The following NUB1 variants were observed in gnomAD, a reference collection of about 807,000 sequenced individuals.
The protein encoded by NUB1 is negative regulator of ubiquitin like proteins 1.
A neutral mutation model predicts 77.1 loss-of-function variants in NUB1; 41 were observed. That is an observed-to-expected ratio of 0.53 (90% CI 0.41 to 0.69). The LOEUF (loss-of-function observed/expected upper bound fraction) is 0.69. NUB1 is among the 30% of genes least tolerant of loss of function. The pLI, the probability that NUB1 is intolerant of heterozygous loss-of-function variation, is 0.00. For synonymous variants in NUB1, 257 were observed against 281.0 expected (o/e 0.91, Z 0.85); for missense variants, 643 against 743.8 (o/e 0.86, Z 1.58).
chr7:151,363,386 T>G (rs536398389), intron 8 of NUB1, among the ~76,000 whole-genome samples: 1 of 150,268 alleles, frequency 6.7e-6, no homozygotes, highest in Non-Finnish European at 1.5e-5. Flanking sequence ...ATAGACACTA[T>G]AGAAGAGAAG....
chr7:151,342,039 G>A (rs1796235633), intron 1 of NUB1, 193 bp downstream of exon 1: 12 of 1,088,812 alleles, frequency 1.1e-5, no homozygotes, highest in Non-Finnish European at 1.4e-5. Flanking sequence ...TTCGGGACGC[G>A]CTGGCCGTTC....
intron 1 of NUB1, among the ~76,000 whole-genome samples, chr7:151,344,530 C>A (rs989231266): frequency 1.3e-5 from 2 of 151,308 alleles, no homozygotes; most frequent in Admixed American, 1.3e-4. Context: ...CCATGTTGAC[C>A]AGGCTGGTCT....
At chr7:151,359,442 C>CA (rs59705983) in intron 7 of NUB1, among the ~76,000 whole-genome samples, 17,940 of 109,056 alleles carry the variant, frequency 0.16, 1,649 homozygotes, top group African/African-American at 0.34. Flanking sequence ...GACTCTGTCT[C>CA]AAAAAAAAAA....
chr7:151,377,256 C>CT lies in NUB1; in HGVS notation c.*33dup. The CT allele has an allele frequency of 7.3e-7, 1 of 1,370,562 alleles. No homozygotes were observed. The highest frequency in any genetic ancestry group is 2.0e-4 in the Middle Eastern group (1 of 4,882). 84.9% of individuals were successfully genotyped at this position (1,370,562 alleles called of 1,614,324 possible). A position where few individuals can be genotyped will look rare whatever the true frequency, so the allele number is the denominator to read the frequency against. On this transcript the variant is annotated 3_prime_UTR_variant, in exon 15 of 15. Transcript: ENST00000568733. The stretch of plus-strand genomic sequence containing the variant: ...GAACAGAAATAGCGCTAATTTTCTG[C>CT]TTATAAATGCTATCATTATGAAAAG...
chr7:151,349,970 G>A (rs1452021022), intron 3 of NUB1, among the ~76,000 whole-genome samples: 2 of 152,238 alleles, frequency 1.3e-5, no homozygotes, highest in African/African-American at 4.8e-5. Flanking sequence ...CAAGGCAGAA[G>A]GGGCAGGGTA....
intron 1 of NUB1, chr7:151,342,082 G>A (rs893892759): frequency 1.8e-6 from 1 of 559,420 alleles, no homozygotes; most frequent in Non-Finnish European, 2.7e-6. Context: ...GTTAGGCAGA[G>A]GTGTGGGGTA....
chr7:151,360,349 A>G, intron 8 of NUB1, 102 bp downstream of exon 8: 1 of 603,932 alleles, frequency 1.7e-6, no homozygotes, highest in South Asian at 2.2e-5. Flanking sequence ...TTCATCTACA[A>G]CAGTGGTTAA....
Position 151,359,080 on chromosome 7 carries a change from T to TA in NUB1, c.694-1054dup, listed in dbSNP as rs946442058. 1.0e-4 allele frequency among the ~76,000 whole-genome samples: 14 copies of TA among 139,880 alleles called. No individual in the cohort carries two copies. The South Asian group carries it at 2.1e-3, about 21-fold the overall frequency. 91.8% of individuals were successfully genotyped at this position (139,880 alleles called of 152,430 possible). Reference sequence around the variant, plus strand: ...ACTCTGTCTCAAAAAAAAAATAAAATAAAAAAATTTGTTTTGGAAATACTA... The same window carrying TA: ...ACTCTGTCTCAAAAAAAAAATAAAATAAAAAAAATTTGTTTTGGAAATACTA... On this transcript the variant is annotated intron_variant, in intron 7 of 14. Transcript: ENST00000568733.
intron 3 of NUB1, 151 bp from the exon 4 acceptor site, chr7:151,351,273 A>G (rs1014437304): frequency 3.0e-6 from 2 of 671,710 alleles, no homozygotes; most frequent in South Asian, 1.6e-5. Context: ...GTGCTGGGTT[A>G]TGTTCAGTAG....
At chr7:151,370,575 G>T (rs992377149) in intron 11 of NUB1, among the ~76,000 whole-genome samples, 2 of 150,298 alleles carry the variant, frequency 1.3e-5, no homozygotes, top group East Asian at 3.9e-4. Context: ...TAAGTTTTAG[G>T]GTACATGTGC....
In NUB1 at chr7:151,376,627, C is replaced by G. The variant is rs1174519970; in HGVS notation, c.1492-7C>G. 1 of 1,606,280 alleles carries G rather than the reference C, an allele frequency of 6.2e-7. No homozygotes were observed. The highest frequency in any genetic ancestry group is 1.7e-5 in the Admixed American group (1 of 59,366). On this transcript the variant is annotated splice_region_variant and splice_polypyrimidine_tract_variant and intron_variant, in intron 13 of 14. Coordinates refer to ENST00000568733, the MANE Select transcript of NUB1 (RefSeq NM_001243351.2). ...GCTGATGCTGTGACCCCTGCGCTCT[C>G]CCCTAGTTGGTGTACATGGGTTTTG...
intron 11 of NUB1, among the ~76,000 whole-genome samples, chr7:151,373,072 G>A (rs563920176): frequency 1.1e-3 from 161 of 152,274 alleles, no homozygotes; most frequent in Admixed American, 2.2e-3. Flanking sequence ...AGATGAGGCC[G>A]CTTTCCTGCT....
Position 151,349,194 on chromosome 7 carries a change from C to T in NUB1, c.239C>T (p.Thr80Met), listed in dbSNP as rs375249180. The change falls in exon 3 of 15, where the codon ACG becomes ATG. Residue 80 changes from threonine to methionine, a missense_variant. By Grantham distance (81) the Thr-to-Met change is moderately conservative. Coordinates refer to ENST00000568733, the MANE Select transcript of NUB1 (RefSeq NM_001243351.2). ...RGTGNDNYRT[T>M]GIATIEVFLP... ...ACAGGAAATGACAATTATAGAACAA[C>T]GGGAATTGCTACAATCGAGGTGTTT... 8.4e-5 allele frequency: 135 copies of T among 1,612,076 alleles called. 1 individual carries two copies. Among genetic ancestry groups the T allele is most frequent in the East Asian group, 6.5e-4 (29 of 44,806 alleles).
intron 2 of NUB1, among the ~76,000 whole-genome samples, chr7:151,346,423 A>C (rs1419098130): frequency 2.0e-5 from 3 of 152,244 alleles, no homozygotes; most frequent in Admixed American, 1.3e-4. Flanking sequence ...CTTTGTGCTC[A>C]TGAGGCTTGG....
In NUB1 at chr7:151,347,694, G is replaced by C. The variant is rs1285435476; in HGVS notation, c.118-1379G>C. ...AGGTTGGTCTTGAAGTCCTGGGCTT[G>C]AGCAATCCTCTCACCTTGCCTTCCA... On this transcript the variant is annotated intron_variant, in intron 2 of 14. Coordinates refer to ENST00000568733, the MANE Select transcript of NUB1 (RefSeq NM_001243351.2). 3.9e-5 allele frequency among the ~76,000 whole-genome samples: 6 copies of C among 152,180 alleles called. No homozygotes were observed. The South Asian group carries it at 1.0e-3, about 26-fold the overall frequency.
rs2150729149 is a variant in NUB1, at chr7:151,376,774, T to G, written c.1632T>G (p.Ser544=). The change falls in exon 14 of 15, where the codon TCT becomes TCG. Residue 544 remains serine, a synonymous_variant. Transcript: ENST00000568733. The part of the protein sequence containing the change: ...PPELPLSPED[S]LSPPATSPSD... ...AGCTGCCGCTGTCGCCAGAAGACTCTTTGTCCCCGCCAGCCACGTCCCCTT... is the reference window on the plus strand; with the variant it reads ...AGCTGCCGCTGTCGCCAGAAGACTCGTTGTCCCCGCCAGCCACGTCCCCTT... The G allele has an allele frequency of 6.3e-7, 1 of 1,593,560 alleles. No individual in the cohort carries two copies. The highest frequency in any genetic ancestry group is 2.3e-5 in the East Asian group (1 of 43,936).
At chr7:151,357,367 G>A (rs1302368768) in intron 7 of NUB1, among the ~76,000 whole-genome samples, 4 of 151,194 alleles carry the variant, frequency 2.6e-5, no homozygotes, top group African/African-American at 9.7e-5. Flanking sequence ...CAGATGATCC[G>A]CCCGCCTCGG....
At chr7:151,351,307 G>A in intron 3 of NUB1, 117 bp from the exon 4 acceptor site, 1 of 796,620 alleles carries the variant, frequency 1.3e-6, no homozygotes. Context: ...CAGCATTTTA[G>A]TTTTTAACAG....
At chr7:151,353,112 A>T (rs1371634112) in intron 5 of NUB1, among the ~76,000 whole-genome samples, 1 of 152,218 alleles carries the variant, frequency 6.6e-6, no homozygotes, top group Non-Finnish European at 1.5e-5. Flanking sequence ...TACAGCTTAG[A>T]TAAAATGTTA....
Sources: gnomAD v4.1 joint callset for allele counts (sites outside exome capture counted in the v4.1 genomes callset) on GRCh38, gnomAD v4.1.1 for gene constraint, MANE v1.5 for transcripts, NCBI Gene and HGNC (gene_info 2026-07-23, HGNC 2026-07-21) for gene names.